Variants in MUSK observed in about 807,000 individuals in gnomAD.
MUSK encodes the protein muscle, skeletal receptor tyrosine-protein kinase.
Under a neutral mutation model 88.7 loss-of-function variants are expected in MUSK, and 55 were observed. That is an observed-to-expected ratio of 0.62 (90% CI 0.50 to 0.78). The LOEUF (loss-of-function observed/expected upper bound fraction) is 0.78. MUSK is among the 30% of genes least tolerant of loss of function. The pLI, the probability that MUSK is intolerant of heterozygous loss-of-function variation, is 0.00. For missense variants in MUSK, 1,015 were observed against 1,074.3 expected (o/e 0.94, Z 0.77); for synonymous variants, 387 against 391.9 (o/e 0.99, Z 0.15).
intron 14 of MUSK, among the ~76,000 whole-genome samples, chr9:110,790,083 T>C (rs571600111): frequency 6.6e-6 from 1 of 152,006 alleles, no homozygotes; most frequent in South Asian, 2.1e-4. Context: ...GAGCAACCAA[T>C]GAAATAGAAG....
intron 4 of MUSK, among the ~76,000 whole-genome samples, chr9:110,696,205 A>G (rs766150691): frequency 1.3e-5 from 2 of 151,900 alleles, no homozygotes; most frequent in Non-Finnish European, 2.9e-5. Context: ...TGAACCCGAG[A>G]GGCAGAGGTT....
At chr9:110,688,971 T>C (rs567791422) in intron 3 of MUSK, among the ~76,000 whole-genome samples, 95 of 145,348 alleles carry the variant, frequency 6.5e-4, no homozygotes, top group Admixed American at 1.5e-3. Context: ...TACATACATA[T>C]ATTTAAATAT....
intron 3 of MUSK, among the ~76,000 whole-genome samples, chr9:110,690,186 AAG>A (rs1261442825): frequency 2.0e-4 from 20 of 102,548 alleles, no homozygotes; most frequent in Admixed American, 1.4e-3. Context: ...ATATATATTT[AAG>A]TATATATAAA....
intron 6 of MUSK, among the ~76,000 whole-genome samples, chr9:110,745,557 A>G (rs373069133): frequency 1.2e-4 from 19 of 152,302 alleles, no homozygotes; most frequent in African/African-American, 4.6e-4. Flanking sequence ...GTTGCTTTGT[A>G]TTAAAATTCA....
chr9:110,769,814 G>T (rs538896123), intron 9 of MUSK, among the ~76,000 whole-genome samples: 1 of 150,904 alleles, frequency 6.6e-6, no homozygotes, highest in South Asian at 2.1e-4. Context: ...TGGTGGCCAC[G>T]GGATAGTTAT....
Position 110,689,759 on chromosome 9 carries a change from A to ATATATTATATTATTATATTATT in MUSK, c.358+2491_358+2492insTATATTATATTATTATATTATT, listed in dbSNP as rs1564218100. Among the ~76,000 whole-genome samples, 3 of 35,960 alleles carry ATATATTATATTATTATATTATT rather than the reference A, an allele frequency of 8.3e-5. No individual in the cohort carries two copies. The East Asian group carries it at 2.9e-3, about 35-fold the overall frequency. The allele number at this position is 35,960 out of a possible 152,430, so 23.6% of individuals were successfully genotyped here. A position where few individuals can be genotyped will look rare whatever the true frequency, so the allele number is the denominator to read the frequency against. ...TATATAATATTATATATTATATATA[A>ATATATTATATTATTATATTATT]ACTATATATATCACATATAGTTTAT... On this transcript the variant is annotated intron_variant, in intron 3 of 14. Transcript: ENST00000374448.
At chr9:110,745,046 C>T (rs1400247828) in intron 6 of MUSK, among the ~76,000 whole-genome samples, 2 of 152,146 alleles carry the variant, frequency 1.3e-5, no homozygotes, top group African/African-American at 4.8e-5. Flanking sequence ...CAAACTATGA[C>T]TAATGGGGCC....
intron 1 of MUSK, among the ~76,000 whole-genome samples, chr9:110,680,207 T>G: frequency 6.6e-6 from 1 of 152,154 alleles, no homozygotes; most frequent in South Asian, 2.1e-4. Flanking sequence ...GTAAAGGTAT[T>G]AGCCTATTGC....
intron 5 of MUSK, among the ~76,000 whole-genome samples, chr9:110,731,055 C>T (rs1041680334): frequency 6.6e-6 from 1 of 152,056 alleles, no homozygotes; most frequent in African/African-American, 2.4e-5. Context: ...ATCCAAGTCC[C>T]TTCCCCCAAC....
At position 110,784,969 on chromosome 9, in the gene MUSK, T is replaced by C. The variant is rs772754728; in HGVS notation, c.1539T>C (p.Thr513=). ...SFAIFVLLTI[T]TLYCCRRRKQ... is the part of the protein sequence containing the mutation. ...CAATATTTGTGCTTCTTACCATAAC[T>C]ACTCTCTATTGCTGCCGAAGAAGAA... is the stretch of plus-strand genomic sequence containing the variant. The change falls in exon 12 of 15, where the codon ACT becomes ACC. Residue 513 remains threonine (T), a synonymous_variant. Coordinates refer to ENST00000374448, the MANE Select transcript of MUSK (RefSeq NM_005592.4). 1 of 1,613,882 alleles carries C rather than the reference T, an allele frequency of 6.2e-7. No homozygotes were observed. The highest frequency in any genetic ancestry group is 8.5e-7 in the Non-Finnish European group (1 of 1,179,838).
At chr9:110,790,235 C>A (rs1402997328) in intron 14 of MUSK, among the ~76,000 whole-genome samples, 1 of 151,896 alleles carries the variant, frequency 6.6e-6, no homozygotes, top group African/African-American at 2.4e-5. Flanking sequence ...TCACTGGTAA[C>A]CCCGAGAAGA....
chr9:110,668,914 CTCG>C lies in MUSK; in HGVS notation c.13_15del (p.Val5del). The C allele has an allele frequency of 6.2e-7, 1 of 1,613,496 alleles. No homozygotes were observed. Among genetic ancestry groups the C allele is most frequent in the South Asian group, 1.1e-5 (1 of 91,070 alleles). On this transcript the variant is annotated inframe_deletion, in exon 1 of 15. Coordinates refer to ENST00000374448, the MANE Select transcript of MUSK (RefSeq NM_005592.4). ...TGAGCCTGGATTAATCATGAGAGAGCTCGTCAACATTCCACTGGTACATATTCT... is the reference window on the plus strand; with the variant it reads ...TGAGCCTGGATTAATCATGAGAGAGCTCAACATTCCACTGGTACATATTCT...
chr9:110,700,546 G>C (rs1045424057), intron 5 of MUSK, among the ~76,000 whole-genome samples: 3 of 151,954 alleles, frequency 2.0e-5, no homozygotes, highest in African/African-American at 7.3e-5. Context: ...GAAAAGGGAG[G>C]AGTCAAAAAA....
chr9:110,673,793 A>G (rs963815646), intron 1 of MUSK, among the ~76,000 whole-genome samples: 3 of 152,224 alleles, frequency 2.0e-5, no homozygotes, highest in Non-Finnish European at 4.4e-5. Flanking sequence ...AAAGTAGCAC[A>G]TGGTATTTAA....
In MUSK at chr9:110,756,841, GTA is replaced by G. The variant is rs1395035221; in HGVS notation, c.914-5359_914-5358del. Among the ~76,000 whole-genome samples, 9 of 150,140 alleles carry G rather than the reference GTA, an allele frequency of 6.0e-5. No individual in the cohort carries two copies. In the East Asian group the frequency reaches 7.8e-4, roughly 13 times the overall value. ...AAATTCCAAGGAAAAATGTCAAGTT[GTA>G]TGTGTGTGTGTGTCTGTGTATGTTT... On this transcript the variant is annotated intron_variant, in intron 7 of 14. Transcript: ENST00000374448.
intron 2 of MUSK, 122 bp from the exon 3 acceptor site, chr9:110,686,995 C>T (rs1489547761): frequency 1.1e-5 from 10 of 891,848 alleles, no homozygotes; most frequent in Non-Finnish European, 1.7e-5. Context: ...TCAGAAGTCA[C>T]TCAAGTTTCC....
rs2078119792 is a variant in MUSK at position 110,803,266 on chromosome 9, C to T, written c.*2278C>T. ...ATATGAACTTAAACCTCACAACATCCCTGTAATGTTGGTACTATCATTATA... is the reference window on the plus strand; with the variant it reads ...ATATGAACTTAAACCTCACAACATCTCTGTAATGTTGGTACTATCATTATA... On this transcript the variant is annotated 3_prime_UTR_variant, in exon 15 of 15. Transcript: ENST00000374448. 6.6e-6 allele frequency among the ~76,000 whole-genome samples: 1 copy of T among 152,168 alleles called. No homozygotes were observed. Among genetic ancestry groups the T allele is most frequent in the Non-Finnish European group, 1.5e-5 (1 of 68,036 alleles).
chr9:110,689,739 AAT>A (rs555698038), intron 3 of MUSK, among the ~76,000 whole-genome samples: 1 of 10,490 alleles, frequency 9.5e-5, no homozygotes, highest in Non-Finnish European at 1.9e-4. Flanking sequence ...GTTTATATAT[AAT>A]ATTATATATT....
intron 11 of MUSK, among the ~76,000 whole-genome samples, chr9:110,781,903 G>A (rs1361123710): frequency 6.6e-6 from 1 of 152,084 alleles, no homozygotes; most frequent in Non-Finnish European, 1.5e-5. Flanking sequence ...ACCTTCAACT[G>A]GTTACTGGCT....
Sources: gnomAD v4.1 joint callset for allele counts (sites outside exome capture counted in the v4.1 genomes callset) on GRCh38, gnomAD v4.1.1 for gene constraint, MANE v1.5 for transcripts, NCBI Gene and HGNC (gene_info 2026-07-23, HGNC 2026-07-21) for gene names.